MYEF2: variants seen among roughly 807,000 people sequenced by gnomAD.
The protein encoded by MYEF2 is myelin expression factor 2, also known as myelin gene expression factor 2.
MYEF2 carries 37 observed loss-of-function variants against 75.2 expected under a neutral mutation model. The ratio of observed to expected loss-of-function variants is 0.49; its 90% CI spans 0.38 to 0.65. The LOEUF is 0.65. MYEF2 is among the 30% of genes least tolerant of loss of function. The probability of loss-of-function intolerance (pLI) is 0.00; values close to 1 mark genes in which losing one functional copy is unlikely to be tolerated. For synonymous variants in MYEF2, 195 were observed against 241.6 expected, an observed-to-expected ratio of 0.81 and a Z score of 1.79; for missense variants, 634 against 771.4, an observed-to-expected ratio of 0.82 and a Z score of 2.11.
intron 13 of MYEF2, 51 bp from the exon 14 acceptor site, chr15:48,151,222 T>C: frequency 6.8e-7 from 1 of 1,463,552 alleles, no homozygotes; most frequent in Non-Finnish European, 9.4e-7. Flanking sequence ...ATAATCATAC[T>C]TTAAAATTCC....
In MYEF2 at chr15:48,141,000, A is replaced by C; in HGVS notation, c.*1908T>G. 1 of 795,396 alleles carries C rather than the reference A, an allele frequency of 1.3e-6. No individual in the cohort carries two copies. The highest frequency in any genetic ancestry group is 2.0e-6 in the Non-Finnish European group (1 of 492,858). The allele number at this position is 795,396 out of a possible 1,614,324, so 49.3% of individuals were successfully genotyped here. A position where few individuals can be genotyped will look rare whatever the true frequency, so the allele number is the denominator to read the frequency against. On this transcript the variant is annotated 3_prime_UTR_variant, in exon 17 of 17. Coordinates refer to ENST00000324324, the MANE Select transcript of MYEF2 (RefSeq NM_016132.5). ...AATAAGCAAGCACATATTGGCTCTG[A>C]ATTCTAAATGTGCCTATTTTATTTT...
In MYEF2 at chr15:48,158,002, G is replaced by C. The variant is rs1267046806; in HGVS notation, c.976C>G (p.Gln326Glu). ...EYRSHDGKTP[Q>E]LPRGLGGIGM... is the part of the protein sequence containing the mutation. ...AATAGCTTTTACTTACGTGGTAATT[G>C]TGGTGTTTTACCATCATGTGAACGG... The change falls in exon 9 of 17, where the codon CAA becomes GAA. Residue 326 changes from glutamine (Q) to glutamate (E), a missense_variant. By Grantham distance (29) the Gln-to-Glu change is conservative. Coordinates refer to ENST00000324324, the MANE Select transcript of MYEF2 (RefSeq NM_016132.5). 1 of 1,612,990 alleles carries C rather than the reference G, an allele frequency of 6.2e-7. No individual in the cohort carries two copies. The highest frequency in any genetic ancestry group is 2.2e-5 in the East Asian group (1 of 44,764).
chr15:48,141,286 T>C lies in MYEF2; in HGVS notation c.*1622A>G, dbSNP rs2039074646. ...GAATGAGTAAAAGTAGCTTTAAAAA[T>C]GTTTACTTCCAGCCGGGTGTGGTGG... On this transcript the variant is annotated 3_prime_UTR_variant, in exon 17 of 17. Coordinates refer to ENST00000324324, the MANE Select transcript of MYEF2 (RefSeq NM_016132.5). The C allele has an allele frequency of 3.1e-6, 4 of 1,297,382 alleles. No individual in the cohort carries two copies. Among genetic ancestry groups the C allele is most frequent in the East Asian group, 2.3e-5 (1 of 42,760 alleles). The allele number at this position is 1,297,382 out of a possible 1,614,324, so 80.4% of individuals were successfully genotyped here.
At chr15:48,157,778 A>T in intron 9 of MYEF2, 1 of 1,296,974 alleles carries the variant, frequency 7.7e-7, no homozygotes, top group Non-Finnish European at 9.8e-7. Context: ...ATTGCTGATT[A>T]GTCAGGAAAA....
chr15:48,164,211 C>A (rs10162765), intron 5 of MYEF2, among the ~76,000 whole-genome samples: 6,709 of 152,152 alleles, frequency 0.044, 494 homozygotes, highest in African/African-American at 0.15. Context: ...GTCAAAATAT[C>A]AATACTAACA....
intron 3 of MYEF2, 35 bp from the exon 4 acceptor site, chr15:48,166,163 GA>G (rs748710847): frequency 2.0e-6 from 3 of 1,531,610 alleles, no homozygotes; most frequent in Non-Finnish European, 2.7e-6. Context: ...ATATGCAAAA[GA>G]AAAAAAGTTT....
chr15:48,156,960 C>T (rs1054901661), intron 9 of MYEF2, among the ~76,000 whole-genome samples: 2 of 151,682 alleles, frequency 1.3e-5, no homozygotes, highest in South Asian at 2.1e-4. Flanking sequence ...GAAAGATGGG[C>T]AAGGGAGATG....
At position 48,137,379 on chromosome 15, in the gene MYEF2, T is replaced by C. The variant is rs983176187; in HGVS notation, c.*5529A>G. On this transcript the variant is annotated 3_prime_UTR_variant, in exon 17 of 17. Transcript: ENST00000324324. ...ATAAATGATGCAGAGATAAAACACA[T>C]AGAGCACAGTATGTGCATAGGAAGG... 1.3e-5 allele frequency: 2 copies of C among 158,696 alleles called. No homozygotes were observed. Among genetic ancestry groups the C allele is most frequent in the East Asian group, 1.8e-4 (1 of 5,470 alleles). 9.8% of individuals were successfully genotyped at this position (158,696 alleles called of 1,614,324 possible). A position where few individuals can be genotyped will look rare whatever the true frequency, so the allele number is the denominator to read the frequency against.
At chr15:48,163,630 A>G (rs1380073347) in intron 5 of MYEF2, among the ~76,000 whole-genome samples, 2 of 152,186 alleles carry the variant, frequency 1.3e-5, no homozygotes, top group Non-Finnish European at 2.9e-5. Context: ...TAGGACTTTC[A>G]GAGTTAGAAG....
rs1011522479 is a variant in MYEF2 at position 48,137,686 on chromosome 15, G to A, written c.*5222C>T. On this transcript the variant is annotated 3_prime_UTR_variant, in exon 17 of 17. Transcript: ENST00000324324. ...GAAGGAAGCATCACCAAGACTATATGGGGCCAGAAAAAGGAACAAAGACAC... is the reference window on the plus strand; with the variant it reads ...GAAGGAAGCATCACCAAGACTATATAGGGCCAGAAAAAGGAACAAAGACAC... 1.3e-5 allele frequency: 2 copies of A among 152,104 alleles called. No individual in the cohort carries two copies. The highest frequency in any genetic ancestry group is 2.9e-5 in the Non-Finnish European group (2 of 68,030). The allele number at this position is 152,104 out of a possible 1,614,324, so 9.4% of individuals were successfully genotyped here.
Position 48,175,486 on chromosome 15 carries a change from T to C in MYEF2, c.161+2591A>G, listed in dbSNP as rs2040485605. Among the ~76,000 whole-genome samples the C allele has an allele frequency of 3.3e-5, 5 of 152,184 alleles. No homozygotes were observed. The South Asian group carries it at 1.0e-3, about 32-fold the overall frequency. On this transcript the variant is annotated intron_variant, in intron 1 of 16. Coordinates refer to ENST00000324324, the MANE Select transcript of MYEF2 (RefSeq NM_016132.5). ...TTTCAACACCAAAAAATATGGTAGC[T>C]ATGCGAGGTAACAGATACGTTAATT... is the stretch of plus-strand genomic sequence containing the variant.
At position 48,139,257 on chromosome 15, in the gene MYEF2, C is replaced by A; in HGVS notation, c.*3651G>T. The A allele has an allele frequency of 8.6e-7, 1 of 1,157,314 alleles. No individual in the cohort carries two copies. Among genetic ancestry groups the A allele is most frequent in the Non-Finnish European group, 1.2e-6 (1 of 801,988 alleles). 71.7% of individuals were successfully genotyped at this position (1,157,314 alleles called of 1,614,324 possible). On this transcript the variant is annotated 3_prime_UTR_variant, in exon 17 of 17. Coordinates refer to ENST00000324324, the MANE Select transcript of MYEF2 (RefSeq NM_016132.5). ...CATATGTTCACTCAAAGTAGTCTAG[C>A]TACACAGCAAATTTCTTTTCAGCAA...
At chr15:48,148,958 C>T (rs1325505872) in intron 16 of MYEF2, 74 bp downstream of exon 16, 5 of 1,478,200 alleles carry the variant, frequency 3.4e-6, no homozygotes, top group East Asian at 4.5e-5. Context: ...GGTCTAAACA[C>T]AGTGTATAAA....
At chr15:48,148,154 A>G (rs1419191639) in intron 16 of MYEF2, among the ~76,000 whole-genome samples, 1 of 152,032 alleles carries the variant, frequency 6.6e-6, no homozygotes, top group Non-Finnish European at 1.5e-5. Context: ...GACCTCAGAA[A>G]TTATATATAT....
intron 16 of MYEF2, 146 bp from the exon 17 acceptor site, chr15:48,143,217 T>TA: frequency 4.5e-6 from 2 of 445,706 alleles, no homozygotes; most frequent in Non-Finnish European, 3.6e-6. Context: ...AGCATTATAT[T>TA]TGGACTAAAA....
chr15:48,154,498 G>A (rs374174069), intron 9 of MYEF2, among the ~76,000 whole-genome samples: 9 of 152,026 alleles, frequency 5.9e-5, no homozygotes, highest in South Asian at 2.1e-4. Flanking sequence ...TAAGACTTTG[G>A]TCTTTGCTGT....
At chr15:48,163,570 A>T (rs1463697410) in intron 5 of MYEF2, among the ~76,000 whole-genome samples, 1 of 152,232 alleles carries the variant, frequency 6.6e-6, no homozygotes, top group African/African-American at 2.4e-5. Context: ...ACACTAAACA[A>T]TAGATTTTCA....
At chr15:48,155,834 G>A (rs1429410028) in intron 9 of MYEF2, among the ~76,000 whole-genome samples, 1 of 150,148 alleles carries the variant, frequency 6.7e-6, no homozygotes, top group Non-Finnish European at 1.5e-5. Context: ...GAGTGCAGGG[G>A]CACGATCTCA....
chr15:48,164,921 T>C (rs2040081722), intron 5 of MYEF2, among the ~76,000 whole-genome samples: 1 of 152,206 alleles, frequency 6.6e-6, no homozygotes, highest in Non-Finnish European at 1.5e-5. Flanking sequence ...AACCAAAACA[T>C]ACATATGACA....
Sources: allele counts gnomAD v4.1 joint callset (sites outside exome capture counted in the v4.1 genomes callset), GRCh38; gene constraint gnomAD v4.1.1; transcripts MANE v1.5; gene names NCBI Gene and HGNC (gene_info 2026-07-23, HGNC 2026-07-21).